The following DNASE1 variants were observed in gnomAD, a reference collection of about 807,000 sequenced individuals.
DNASE1 encodes deoxyribonuclease 1.
DNASE1 carries 40 observed loss-of-function variants against 33.9 expected under a neutral mutation model. The observed-to-expected ratio is 1.18, with a 90% confidence interval of 0.92 to 1.54. The LOEUF (loss-of-function observed/expected upper bound fraction) is 1.54. Ranked by LOEUF, DNASE1 falls within the 40% of genes most tolerant of loss-of-function variation. DNASE1 has a pLI of 0.00. For synonymous variants in DNASE1, 216 were observed against 160.0 expected (o/e 1.35, Z -2.64); for missense variants, 518 against 372.6 (o/e 1.39, Z -3.21).
In DNASE1 at chr16:3,656,202, G is replaced by C; in HGVS notation, c.320+17G>C. 1 of 1,613,304 alleles carries C rather than the reference G, an allele frequency of 6.2e-7. No homozygotes were observed. ...CGTGTACAGGTGGGTGGTCTAGAAA[G>C]CCAGGAAGCCCCTCCCTCACCTGGG... is the stretch of plus-strand genomic sequence containing the variant. On this transcript the variant is annotated intron_variant, in intron 4 of 8. Coordinates refer to ENST00000246949, the MANE Select transcript of DNASE1 (RefSeq NM_005223.4).
chr16:3,641,374 G>C (rs2042018375), upstream of DNASE1: 2 of 156,194 alleles, frequency 1.3e-5, 1 homozygote, highest in South Asian at 4.1e-4. Flanking sequence ...ACAGGGCTGG[G>C]ACCTTGGAGG....
rs562544702 is a variant in DNASE1 at position 3,663,334 on chromosome 16, G to A, written c.*5381G>A. The A allele has an allele frequency of 6.0e-5, 93 of 1,554,202 alleles. No homozygotes were observed. The South Asian group carries it at 7.7e-4, about 13-fold the overall frequency. The stretch of plus-strand genomic sequence containing the variant: ...GGTGGCTGAGCCCAGGTCAACTGAC[G>A]AAAACCCAAAGGAAGCCCTCGCTGC... On this transcript the variant is annotated 3_prime_UTR_variant, in exon 10 of 10. Transcript: ENST00000407479.
At chr16:3,628,129 G>C (rs926299612) in intron 1 of DNASE1, among the ~76,000 whole-genome samples, 9 of 151,952 alleles carry the variant, frequency 5.9e-5, no homozygotes. Flanking sequence ...GCGATGTTTT[G>C]TAGTTTTCAT....
chr16:3,620,313 G>C (rs934062097), intron 1 of DNASE1, among the ~76,000 whole-genome samples: 36 of 152,022 alleles, frequency 2.4e-4, no homozygotes, highest in African/African-American at 8.5e-4. Context: ...CACGTGACTG[G>C]GTAACAAGCA....
At chr16:3,628,878 T>A (rs1202713824) in intron 1 of DNASE1, among the ~76,000 whole-genome samples, 1 of 143,838 alleles carries the variant, frequency 7.0e-6, no homozygotes, top group Non-Finnish European at 1.5e-5. Context: ...TTTTTTTCTT[T>A]AAAAACTTTT....
chr16:3,621,695 A>G (rs1011755194), intron 1 of DNASE1, among the ~76,000 whole-genome samples: 1 of 152,326 alleles, frequency 6.6e-6, no homozygotes, highest in Admixed American at 6.5e-5. Context: ...CAGTTGCATT[A>G]TATGTCATCA....
Position 3,664,147 on chromosome 16 carries a change from G to A in DNASE1, c.*6194G>A, listed in dbSNP as rs1019730454. ...CACAGTCGGTCCGGCCTCTGTGCCC[G>A]TGACCCTGACCCACTGTGCAGCCCT... On this transcript the variant is annotated 3_prime_UTR_variant, in exon 10 of 10. Coordinates refer to the DNASE1 transcript ENST00000407479. The A allele has an allele frequency of 1.2e-4, 120 of 1,019,752 alleles. 2 individuals carry two copies. The highest frequency in any genetic ancestry group is 5.0e-4 in the African/African-American group (30 of 60,402). 63.2% of individuals were successfully genotyped at this position (1,019,752 alleles called of 1,614,324 possible).
chr16:3,648,981 C>T (rs1170353392), intron 1 of DNASE1, among the ~76,000 whole-genome samples: 3 of 152,156 alleles, frequency 2.0e-5, no homozygotes, highest in South Asian at 2.1e-4. Flanking sequence ...TTGCCATCTA[C>T]GATTTCCCAG....
At chr16:3,647,880 A>G (rs1475128020) in intron 1 of DNASE1, among the ~76,000 whole-genome samples, 1 of 152,136 alleles carries the variant, frequency 6.6e-6, no homozygotes, top group Non-Finnish European at 1.5e-5. Flanking sequence ...TAAATTAGCC[A>G]GGTGTGGCTG....
chr16:3,620,759 G>GTA (rs2041278616), intron 1 of DNASE1, among the ~76,000 whole-genome samples: 2 of 151,600 alleles, frequency 1.3e-5, no homozygotes, highest in South Asian at 4.2e-4. Flanking sequence ...AGGCTAAAGG[G>GTA]TATGTGTGTT....
At chr16:3,664,461 T>C in exon 10 of DNASE1, 1 of 1,608,036 alleles carries the variant, frequency 6.2e-7, no homozygotes, top group Non-Finnish European at 8.5e-7. Flanking sequence ...TATGTCCTCC[T>C]AGAAGGGACG....
intron 1 of DNASE1, among the ~76,000 whole-genome samples, chr16:3,623,347 C>G (rs2041390215): frequency 6.6e-6 from 1 of 152,126 alleles, no homozygotes; most frequent in African/African-American, 2.4e-5. Flanking sequence ...AACTCAAAGA[C>G]TTAAACATAA....
chr16:3,662,194 T>C (rs867005175), downstream of DNASE1: 6 of 1,567,096 alleles, frequency 3.8e-6, no homozygotes, highest in Non-Finnish European at 5.2e-6. Flanking sequence ...GCTGGCAGGA[T>C]CTTACCAGGG....
At chr16:3,643,581 C>T (rs1007897569) in intron 1 of DNASE1, among the ~76,000 whole-genome samples, 4 of 152,174 alleles carry the variant, frequency 2.6e-5, no homozygotes, top group African/African-American at 9.7e-5. Context: ...GGGGACATGT[C>T]CAGACCCTCC....
At chr16:3,639,701 C>G (rs2041976591), upstream of DNASE1, among the ~76,000 whole-genome samples, 1 of 152,138 alleles carries the variant, frequency 6.6e-6, no homozygotes, top group South Asian at 2.1e-4. Context: ...GTTTCTGTCC[C>G]CTGGTGGGAC....
chr16:3,650,578 A>G (rs1424635581), upstream of DNASE1: 1 of 150,548 alleles, frequency 6.6e-6, no homozygotes, highest in Non-Finnish European at 1.5e-5. Context: ...ACCTAAAGTT[A>G]GTAAGTCCAG....
chr16:3,619,893 C>T (rs1193835410), intron 1 of DNASE1, among the ~76,000 whole-genome samples: 5 of 151,116 alleles, frequency 3.3e-5, no homozygotes, highest in East Asian at 1.9e-4. Context: ...ATAAATATAA[C>T]GAAAATTCAT....
intron 1 of DNASE1, among the ~76,000 whole-genome samples, chr16:3,617,326 C>CAAAAAAAAAAAAAAAAAAAAAAAAAAAAA (rs56670885): frequency 4.7e-4 from 27 of 57,714 alleles, no homozygotes; most frequent in African/African-American, 1.5e-3. Context: ...AACTCCATCT[C>CAAAAAAAAAAAAAAAAAAAAAAAAAAAAA]AAAAAAAAAA....
chr16:3,658,220 T>C (rs1024849588), downstream of DNASE1: 2 of 1,613,508 alleles, frequency 1.2e-6, no homozygotes, highest in African/African-American at 2.7e-5. Context: ...AATCATGGCG[T>C]TCTCGTATAT....
Sources: allele counts gnomAD v4.1 joint callset (sites outside exome capture counted in the v4.1 genomes callset), GRCh38; gene constraint gnomAD v4.1.1; transcripts MANE v1.5; gene names NCBI Gene and HGNC (gene_info 2026-07-23, HGNC 2026-07-21).